Variants in UNC13C observed in about 807,000 individuals in gnomAD.
UNC13C encodes protein unc-13 homolog C.
UNC13C carries 174 observed loss-of-function variants against 245.4 expected under a neutral mutation model. The observed-to-expected ratio is 0.71, with a 90% CI of 0.63 to 0.80. The LOEUF (loss-of-function observed/expected upper bound fraction) is 0.80. Among genes scored for constraint, UNC13C ranks in the 30% least tolerant of loss-of-function variants. The pLI is 0.00. For missense variants in UNC13C, 2,829 were observed against 2,602.9 expected, an observed-to-expected ratio of 1.09 and a Z score of -1.89; for synonymous variants, 992 against 895.1, an observed-to-expected ratio of 1.11 and a Z score of -1.93.
chr15:53,965,415 T>C, the UNC13C span, among the ~76,000 whole-genome samples: 1 of 152,128 alleles, frequency 6.6e-6, no homozygotes, highest in Non-Finnish European at 1.5e-5. Flanking sequence ...TAATACTGAA[T>C]ATCAATTTGG....
chr15:54,528,220 C>T (rs147637327), intron 25 of UNC13C, among the ~76,000 whole-genome samples: 7 of 152,202 alleles, frequency 4.6e-5, no homozygotes, highest in Middle Eastern at 3.4e-3. Flanking sequence ...AGTGATATAA[C>T]CTCAACAATA....
At chr15:53,864,474 T>G in the UNC13C span, among the ~76,000 whole-genome samples, 1 of 152,214 alleles carries the variant, frequency 6.6e-6, no homozygotes, top group Non-Finnish European at 1.5e-5. Flanking sequence ...TTCCATTGAT[T>G]CATAGCGCAG....
At chr15:54,181,110 G>T (rs2033783275) in intron 4 of UNC13C, among the ~76,000 whole-genome samples, 1 of 151,696 alleles carries the variant, frequency 6.6e-6, no homozygotes, top group African/African-American at 2.4e-5. Flanking sequence ...TTTTCTTCTA[G>T]GATTTAAGAA....
intron 19 of UNC13C, among the ~76,000 whole-genome samples, chr15:54,471,037 C>A (rs537173525): frequency 4.0e-5 from 6 of 151,150 alleles, no homozygotes; most frequent in Admixed American, 1.3e-4. Context: ...CCTGTTATTG[C>A]TTTCTAGTTT....
Position 54,014,239 on chromosome 15 carries a change from T to A in UNC13C, c.1336T>A (p.Trp446Arg). ...TPEPKIKKNN[W>R]QSPDDSDEDL... ...AGAGCCAAAAATCAAGAAGAACAAT[T>A]GGCAGTCACCTGATGACAGTGATGA... The change falls in exon 2 of 33, where the codon TGG becomes AGG. Residue 446 changes from tryptophan to arginine, a missense_variant. Coordinates refer to ENST00000260323, the MANE Select transcript of UNC13C (RefSeq NM_001080534.3). 1.2e-6 allele frequency: 2 copies of A among 1,613,850 alleles called. No homozygotes were observed. The highest frequency in any genetic ancestry group is 1.7e-6 in the Non-Finnish European group (2 of 1,179,828).
the UNC13C span, among the ~76,000 whole-genome samples, chr15:53,876,359 A>G: frequency 1.8e-4 from 27 of 152,266 alleles, no homozygotes; most frequent in African/African-American, 5.5e-4. Context: ...TCTCATTTCA[A>G]TATTATATTT....
rs1008845289 is a variant in UNC13C, at chr15:54,116,916, C to T, written c.2984-26102C>T. Among the ~76,000 whole-genome samples, 7 of 152,218 alleles carry T rather than the reference C, an allele frequency of 4.6e-5. No homozygotes were observed. In the South Asian group the frequency reaches 1.0e-3, roughly 23 times the overall value. ...CAGTGTATGATGGTTCCCCTTTCTC[C>T]ATATCCTTGCCAGCATCATTATTAC... is the stretch of plus-strand genomic sequence containing the variant. On this transcript the variant is annotated intron_variant, in intron 2 of 32. Transcript: ENST00000260323.
chr15:54,630,488 C>A (rs1382139576), downstream of UNC13C: 1 of 152,162 alleles, frequency 6.6e-6, no homozygotes, highest in Non-Finnish European at 1.5e-5. Flanking sequence ...ACTACTATAG[C>A]AGCTTTAATC....
intron 30 of UNC13C, among the ~76,000 whole-genome samples, chr15:54,620,754 C>T (rs1342220043): frequency 6.7e-6 from 1 of 148,600 alleles, no homozygotes; most frequent in Non-Finnish European, 1.5e-5. Flanking sequence ...CCACTGCACT[C>T]CAGCTTGAGC....
chr15:54,451,153 A>G (rs999738283), intron 19 of UNC13C, among the ~76,000 whole-genome samples: 2 of 152,036 alleles, frequency 1.3e-5, no homozygotes, highest in Admixed American at 1.3e-4. Flanking sequence ...AAATTCATAT[A>G]TTTAGTCATT....
Position 54,628,152 on chromosome 15 carries a change from A to C in UNC13C, c.*1039A>C, listed in dbSNP as rs879704206. On this transcript the variant is annotated 3_prime_UTR_variant, in exon 33 of 33. Coordinates refer to ENST00000260323, the MANE Select transcript of UNC13C (RefSeq NM_001080534.3). ...TATTTATAAGCCCCAAATGCATCAA[A>C]TGCAGTAGGAGAACAATGTAATACA... 6.6e-6 allele frequency: 1 copy of C among 152,116 alleles called. No homozygotes were observed. Among genetic ancestry groups the C allele is most frequent in the Non-Finnish European group, 1.5e-5 (1 of 68,006 alleles). The allele number at this position is 152,116 out of a possible 1,614,324, so 9.4% of individuals were successfully genotyped here.
chr15:54,197,840 A>G (rs1341932685), intron 4 of UNC13C, among the ~76,000 whole-genome samples: 1 of 152,112 alleles, frequency 6.6e-6, no homozygotes, highest in Non-Finnish European at 1.5e-5. Flanking sequence ...CTCTGAAGGA[A>G]CTGGATCACT....
intron 19 of UNC13C, among the ~76,000 whole-genome samples, chr15:54,438,236 C>T (rs1890327577): frequency 6.6e-6 from 1 of 151,908 alleles, no homozygotes; most frequent in African/African-American, 2.4e-5. Context: ...TCAGTGACTG[C>T]ATCCTTCCAA....
At chr15:54,518,019 A>T (rs1473002326) in intron 24 of UNC13C, among the ~76,000 whole-genome samples, 1 of 152,110 alleles carries the variant, frequency 6.6e-6, no homozygotes, top group East Asian at 1.9e-4. Context: ...TAATAAGGAG[A>T]ATTGAATATT....
chr15:54,110,974 A>T (rs189615455), intron 2 of UNC13C, among the ~76,000 whole-genome samples: 1 of 152,188 alleles, frequency 6.6e-6, no homozygotes, highest in Non-Finnish European at 1.5e-5. Flanking sequence ...AGATTAAATG[A>T]TCCAAAAGTT....
chr15:53,851,974 C>T, the UNC13C span, among the ~76,000 whole-genome samples: 1 of 152,188 alleles, frequency 6.6e-6, no homozygotes, highest in Admixed American at 6.5e-5. Context: ...GGTGAATGTG[C>T]TTCCCTGAGT....
intron 19 of UNC13C, among the ~76,000 whole-genome samples, chr15:54,433,240 A>G (rs779482995): frequency 2.0e-5 from 3 of 152,132 alleles, no homozygotes; most frequent in Admixed American, 1.3e-4. Context: ...TTATGAGGCC[A>G]GCATCATCCT....
chr15:54,264,513 T>A (rs1032681136), intron 9 of UNC13C, 118 bp downstream of exon 9: 9 of 812,684 alleles, frequency 1.1e-5, no homozygotes, highest in Non-Finnish European at 5.8e-6. Flanking sequence ...ATCATGTTAA[T>A]ATGAACAAGA....
At chr15:54,632,811 T>A (rs1276371467), downstream of UNC13C, 1 of 152,166 alleles carries the variant, frequency 6.6e-6, no homozygotes, top group Non-Finnish European at 1.5e-5. Flanking sequence ...GTAGTAAGAG[T>A]TCTCCATGTT....
Sources: gnomAD v4.1 joint callset for allele counts (sites outside exome capture counted in the v4.1 genomes callset) on GRCh38, gnomAD v4.1.1 for gene constraint, MANE v1.5 for transcripts, NCBI Gene and HGNC (gene_info 2026-07-23, HGNC 2026-07-21) for gene names.